Variants in PLSCR5 observed in about 807,000 individuals in gnomAD.
PLSCR5 encodes phospholipid scramblase family, member 5.
A neutral mutation model predicts 33.6 loss-of-function variants in PLSCR5; 44 were observed. The observed-to-expected ratio is 1.31, with a 90% CI of 1.03 to 1.69. PLSCR5 has a LOEUF of 1.69. Among genes scored for constraint, PLSCR5 ranks in the 40% most tolerant of loss-of-function variants. PLSCR5 has a pLI of 0.00. For missense variants in PLSCR5, 375 were observed against 318.7 expected, an observed-to-expected ratio of 1.18 and a Z score of -1.34; for synonymous variants, 148 against 112.3, an observed-to-expected ratio of 1.32 and a Z score of -2.01.
intron 5 of PLSCR5, 84 bp downstream of exon 5, chr3:146,591,636 T>A (rs2044715161): frequency 1.5e-6 from 2 of 1,366,744 alleles, no homozygotes; most frequent in Non-Finnish European, 2.0e-6. Context: ...TAAATGAAAT[T>A]AATTTGAACA....
chr3:146,595,118 T>C, intron 2 of PLSCR5, 35 bp from the exon 3 acceptor site: 1 of 1,283,236 alleles, frequency 7.8e-7, no homozygotes, highest in Non-Finnish European at 1.0e-6. Context: ...ATAAAAAGTA[T>C]TAACATCACA....
In PLSCR5 at chr3:146,586,658, G is replaced by T. The variant is rs79590866; in HGVS notation, c.778-546C>A. Among the ~76,000 whole-genome samples the T allele has an allele frequency of 2.2e-3, 328 of 152,248 alleles. 3 individuals carry two copies. Among genetic ancestry groups the T allele is most frequent in the East Asian group, 0.019 (99 of 5,162 alleles). On this transcript the variant is annotated intron_variant, in intron 6 of 7. Transcript: ENST00000443512. ...GGAGTACTGAAAACTACACCAGAGAGAACTCAAAGAGTGAGTGGTGAGTCG... is the reference window on the plus strand; with the variant it reads ...GGAGTACTGAAAACTACACCAGAGATAACTCAAAGAGTGAGTGGTGAGTCG...
chr3:146,581,904 T>C (rs2044635092), downstream of PLSCR5, among the ~76,000 whole-genome samples: 1 of 152,222 alleles, frequency 6.6e-6, no homozygotes, highest in Non-Finnish European at 1.5e-5. Context: ...CCAGAAATTA[T>C]TCAGATCTTA....
chr3:146,577,931 G>A (rs2008809), intron 7 of PLSCR5, among the ~76,000 whole-genome samples: 39,613 of 151,940 alleles, frequency 0.26, 5,179 homozygotes, highest in African/African-American at 0.27. Context: ...TATGTAACTG[G>A]ATTTTAAAAA....
chr3:146,600,603 C>G (rs2044805020), intron 1 of PLSCR5, 140 bp from the exon 2 acceptor site: 1 of 883,046 alleles, frequency 1.1e-6, no homozygotes, highest in Non-Finnish European at 1.5e-6. Flanking sequence ...CTTCTTTTCA[C>G]TACTCACTGC....
At chr3:146,601,189 A>G (rs1005729989) in intron 1 of PLSCR5, among the ~76,000 whole-genome samples, 1 of 151,766 alleles carries the variant, frequency 6.6e-6, no homozygotes, top group African/African-American at 2.4e-5. Flanking sequence ...TTTTATTTTG[A>G]AATTTGGGGG....
chr3:146,593,364 A>G (rs1464905118), intron 4 of PLSCR5, among the ~76,000 whole-genome samples: 1 of 152,226 alleles, frequency 6.6e-6, no homozygotes, highest in African/African-American at 2.4e-5. Context: ...GAAAGTTATT[A>G]TTACAGGTGT....
At chr3:146,588,609 G>T (rs1263160842) in intron 6 of PLSCR5, among the ~76,000 whole-genome samples, 2 of 152,038 alleles carry the variant, frequency 1.3e-5, no homozygotes, top group Admixed American at 6.6e-5. Context: ...CAGGTGAAAA[G>T]AAACAAATGA....
In PLSCR5 at chr3:146,605,215, AG is replaced by A; in HGVS notation, c.-4del. On this transcript the variant is annotated 5_prime_UTR_variant, in exon 1 of 8. Coordinates refer to ENST00000443512, the MANE Select transcript of PLSCR5 (RefSeq NM_001085420.2). The stretch of plus-strand genomic sequence containing the variant: ...TTACTCTTACCTTTAGAGGCCATGA[AG>A]ATGTCTGAGTCACTTCTTCAAAGGT... 1 of 1,611,550 alleles carries A rather than the reference AG, an allele frequency of 6.2e-7. No individual in the cohort carries two copies. Among genetic ancestry groups the A allele is most frequent in the Non-Finnish European group, 8.5e-7 (1 of 1,178,330 alleles).
intron 7 of PLSCR5, 31 bp downstream of exon 7, chr3:146,585,999 A>C: frequency 1.5e-6 from 2 of 1,379,052 alleles, no homozygotes; most frequent in Non-Finnish European, 1.9e-6. Flanking sequence ...TTCAAAGGGA[A>C]AGAGATCATT....
intron 1 of PLSCR5, among the ~76,000 whole-genome samples, chr3:146,603,414 G>T (rs907100072): frequency 2.6e-5 from 4 of 152,076 alleles, no homozygotes; most frequent in Admixed American, 2.6e-4. Flanking sequence ...GTAGTATGAA[G>T]TCTCTAATAG....
At chr3:146,599,601 T>C (rs2044793206) in intron 2 of PLSCR5, among the ~76,000 whole-genome samples, 1 of 151,830 alleles carries the variant, frequency 6.6e-6, no homozygotes, top group African/African-American at 2.4e-5. Flanking sequence ...ATGTCTCTAG[T>C]ATAGCAAGCA....
chr3:146,577,274 C>A (rs1351895209), intron 7 of PLSCR5, among the ~76,000 whole-genome samples: 1 of 152,024 alleles, frequency 6.6e-6, no homozygotes, highest in Non-Finnish European at 1.5e-5. Flanking sequence ...GCATTTGTAT[C>A]CATTCTTAGA....
intron 7 of PLSCR5, among the ~76,000 whole-genome samples, chr3:146,579,442 A>C (rs1040317452): frequency 6.6e-6 from 1 of 152,212 alleles, no homozygotes; most frequent in African/African-American, 2.4e-5. Flanking sequence ...AATAAAATAC[A>C]ACAAATCTAA....
chr3:146,602,209 G>T (rs1000274654), intron 1 of PLSCR5, among the ~76,000 whole-genome samples: 5 of 152,084 alleles, frequency 3.3e-5, no homozygotes, highest in Admixed American at 6.6e-5. Flanking sequence ...CTTGAGAATG[G>T]CTCCTCAATA....
At chr3:146,584,509 C>T (rs342903), downstream of PLSCR5, among the ~76,000 whole-genome samples, 110,529 of 152,102 alleles carry the variant, frequency 0.73, 40,255 homozygotes, top group African/African-American at 0.76. Flanking sequence ...AAAGGTCGCA[C>T]GTGATTTTAA....
Position 146,589,703 on chromosome 3 carries a change from C to T in PLSCR5, c.727G>A (p.Asp243Asn). The T allele has an allele frequency of 6.2e-7, 1 of 1,606,372 alleles. No homozygotes were observed. The highest frequency in any genetic ancestry group is 8.5e-7 in the Non-Finnish European group (1 of 1,174,268). Residue 243 changes from aspartate (D) to asparagine (N), a missense_variant, in exon 6 of 8, where the codon GAT (aspartate) becomes AAT (asparagine). Coordinates refer to ENST00000443512, the MANE Select transcript of PLSCR5 (RefSeq NM_001085420.2). ...ADNFGIHVPA[D>N]LDVTVKAAMI... ...GCTGCTTTGACTGTTACATCTAGAT[C>T]TGCAGGAACATGAATTCCGAAATTG... is the stretch of plus-strand genomic sequence containing the variant.
chr3:146,582,266 G>A (rs547112232), downstream of PLSCR5, among the ~76,000 whole-genome samples: 2 of 152,272 alleles, frequency 1.3e-5, no homozygotes, highest in African/African-American at 4.8e-5. Context: ...CTAAGACATG[G>A]CCTCACTGCA....
chr3:146,591,805 G>T lies in PLSCR5; in HGVS notation c.530C>A (p.Thr177Lys). 1 of 1,612,286 alleles carries T rather than the reference G, an allele frequency of 6.2e-7. No homozygotes were observed. The highest frequency in any genetic ancestry group is 1.3e-5 in the African/African-American group (1 of 75,012). Reference sequence around the variant, plus strand: ...ATCTTCTTTGTTTGCATTTTGGATTGTGAATTTAGGCAGAAAGGGGTCCCA... The same window carrying T: ...ATCTTCTTTGTTTGCATTTTGGATTTTGAATTTAGGCAGAAAGGGGTCCCA... ...QKWDPFLPKF[T>K]IQNANKEDIL... Residue 177 changes from threonine to lysine, a missense_variant, in exon 5 of 8, where the codon ACA becomes AAA. Transcript: ENST00000443512.
Sources: gnomAD v4.1 joint callset for allele counts (sites outside exome capture counted in the v4.1 genomes callset) on GRCh38, gnomAD v4.1.1 for gene constraint, MANE v1.5 for transcripts, NCBI Gene and HGNC (gene_info 2026-07-23, HGNC 2026-07-21) for gene names.